The following MBD2 variants were observed in gnomAD, a reference collection of about 807,000 sequenced individuals.
The protein encoded by MBD2 is methyl-CpG-binding domain protein 2.
Under a neutral mutation model 39.3 loss-of-function variants are expected in MBD2, and 9 were observed. That is an observed-to-expected ratio of 0.23 (90% CI 0.14 to 0.40). MBD2 has a LOEUF of 0.40. Among genes scored for constraint, MBD2 ranks in the 10% least tolerant of loss-of-function variants. The pLI, the probability that MBD2 is intolerant of heterozygous loss-of-function variation, is 1.00. For missense variants in MBD2, 458 were observed against 532.6 expected, an observed-to-expected ratio of 0.86 and a Z score of 1.38; for synonymous variants, 233 against 211.1, an observed-to-expected ratio of 1.10 and a Z score of -0.90.
At chr18:54,222,445 A>C in intron 1 of MBD2, 1 of 480,970 alleles carries the variant, frequency 2.1e-6, no homozygotes, top group Non-Finnish European at 4.1e-6. Flanking sequence ...TCAAATATTT[A>C]ATGATGAGGA....
chr18:54,165,372 C>A (rs1355566570), intron 4 of MBD2, among the ~76,000 whole-genome samples: 1 of 152,150 alleles, frequency 6.6e-6, no homozygotes, highest in African/African-American at 2.4e-5. Flanking sequence ...AAGTCCTAAA[C>A]CTGTTTAACT....
chr18:54,207,862 C>T (rs185754603), intron 1 of MBD2, among the ~76,000 whole-genome samples: 12 of 151,790 alleles, frequency 7.9e-5, no homozygotes, highest in African/African-American at 2.9e-4. Context: ...ACGGTGAAAC[C>T]CCGTCTCTAC....
At chr18:54,174,303 G>A (rs1171855408) in intron 3 of MBD2, among the ~76,000 whole-genome samples, 1 of 152,212 alleles carries the variant, frequency 6.6e-6, no homozygotes, top group African/African-American at 2.4e-5. Context: ...CACTGGTCCA[G>A]AGAAAGAGAA....
chr18:54,164,304 C>G lies in MBD2; in HGVS notation c.1109+219G>C, dbSNP rs561411872. 2.6e-5 allele frequency among the ~76,000 whole-genome samples: 4 copies of G among 152,250 alleles called. No individual in the cohort carries two copies. The East Asian group carries it at 7.7e-4, about 29-fold the overall frequency. ...TCCTTTGGACAGGACCATGACGATA[C>G]CCCTGGCATGCAGCATTTATACCCG... On this transcript the variant is annotated intron_variant, in intron 5 of 6. Transcript: ENST00000256429.
chr18:54,188,802 T>C, intron 3 of MBD2, 72 bp downstream of exon 3: 1 of 1,471,210 alleles, frequency 6.8e-7, no homozygotes, highest in South Asian at 1.4e-5. Context: ...CCAGAATTTA[T>C]TTGAATTATT....
chr18:54,224,095 G>A lies in MBD2; in HGVS notation c.465C>T (p.Leu155=), dbSNP rs758184413. 5.0e-6 allele frequency: 8 copies of A among 1,594,652 alleles called. No individual in the cohort carries two copies. The East Asian group carries it at 6.9e-5, about 14-fold the overall frequency. ...ESGKRMDCPA[L]PPGWKKEEVI... ...CTTCCTCCTTCTTCCATCCGGGGGG[G>A]AGGGCCGGGCAATCCATCCTCTTCC... Residue 155 remains leucine, a synonymous_variant, in exon 1 of 7, where the codon CTC becomes CTT. Coordinates refer to ENST00000256429, the MANE Select transcript of MBD2 (RefSeq NM_003927.5).
At chr18:54,211,861 CTT>C (rs543540671) in intron 1 of MBD2, among the ~76,000 whole-genome samples, 3 of 145,998 alleles carry the variant, frequency 2.1e-5, no homozygotes, top group Admixed American at 6.9e-5. Flanking sequence ...CTATGGCCTC[CTT>C]TTTTTTTTTT....
intron 2 of MBD2, among the ~76,000 whole-genome samples, chr18:54,201,186 G>A (rs989699679): frequency 2.6e-5 from 4 of 152,090 alleles, no homozygotes; most frequent in African/African-American, 9.7e-5. Context: ...ATGTTCCCCT[G>A]GATATGCTGC....
chr18:54,205,591 CAAA>C lies in MBD2; in HGVS notation c.543-437_543-435del, dbSNP rs10719481. Reference sequence around the variant, plus strand: ...GGGCAACAAGAGCAAAACTCTATCTCAAAAAAAAAAAAAAAAAAAAAGTTAAAG... The same window carrying C: ...GGGCAACAAGAGCAAAACTCTATCTCAAAAAAAAAAAAAAAAAAGTTAAAG... On this transcript the variant is annotated intron_variant, in intron 1 of 6. Coordinates refer to ENST00000256429, the MANE Select transcript of MBD2 (RefSeq NM_003927.5). 6.4e-3 allele frequency among the ~76,000 whole-genome samples: 575 copies of C among 90,046 alleles called. 4 individuals are homozygous for C. Among genetic ancestry groups the C allele is most frequent in the African/African-American group, 0.02 (467 of 23,232 alleles). The allele number at this position is 90,046 out of a possible 152,430, so 59.1% of individuals were successfully genotyped here.
rs1433381734 is a variant in MBD2, at chr18:54,166,116, T to C, written c.891A>G (p.Glu297=). The C allele has an allele frequency of 1.2e-6, 2 of 1,613,880 alleles. No homozygotes were observed. Among genetic ancestry groups the C allele is most frequent in the Non-Finnish European group, 1.7e-6 (2 of 1,179,812 alleles). Residue 297 remains glutamate, a synonymous_variant, in exon 4 of 7, where the codon GAA becomes GAG. Transcript: ENST00000256429. Reference sequence around the variant, plus strand: ...GTAGTTCCATGGTTTTTATAATTTGTTCTGTTACATCTGATGCACTAAGTC... The same window carrying C: ...GTAGTTCCATGGTTTTTATAATTTGCTCTGTTACATCTGATGCACTAAGTC... The part of the protein sequence containing the change: ...LQGLSASDVT[E]QIIKTMELPK...
intron 6 of MBD2, among the ~76,000 whole-genome samples, chr18:54,159,389 C>A (rs1145307): frequency 0.84 from 128,494 of 152,102 alleles, 54,749 homozygotes; most frequent in East Asian, 1. Flanking sequence ...GAGGAAGCTA[C>A]AGGGAAAATA....
chr18:54,190,056 TAGG>T (rs991917044), intron 2 of MBD2, among the ~76,000 whole-genome samples: 2 of 152,130 alleles, frequency 1.3e-5, no homozygotes, highest in African/African-American at 2.4e-5. Flanking sequence ...GATCAGCAAT[TAGG>T]AGGCCAGACT....
intron 3 of MBD2, among the ~76,000 whole-genome samples, chr18:54,175,755 A>G (rs759727243): frequency 6.6e-6 from 1 of 152,164 alleles, no homozygotes; most frequent in Non-Finnish European, 1.5e-5. Flanking sequence ...GCCCAAGGTC[A>G]CAGTCACCTA....
At chr18:54,199,625 C>CA (rs2086390829) in intron 2 of MBD2, among the ~76,000 whole-genome samples, 1 of 152,122 alleles carries the variant, frequency 6.6e-6, no homozygotes, top group South Asian at 2.1e-4. Context: ...TGCCCTTATT[C>CA]CCCTATTCCC....
At chr18:54,193,940 A>T (rs141383905) in intron 2 of MBD2, among the ~76,000 whole-genome samples, 1 of 152,302 alleles carries the variant, frequency 6.6e-6, no homozygotes, top group Non-Finnish European at 1.5e-5. Flanking sequence ...GAAAACCAAG[A>T]ACATAAGACT....
chr18:54,160,608 C>T (rs909441216), intron 5 of MBD2, among the ~76,000 whole-genome samples: 4 of 139,170 alleles, frequency 2.9e-5, no homozygotes, highest in African/African-American at 5.4e-5. Context: ...ACCATTAGAG[C>T]ACAGGAAGAA....
chr18:54,197,567 C>A (rs908836248), intron 2 of MBD2, among the ~76,000 whole-genome samples: 23 of 151,984 alleles, frequency 1.5e-4, no homozygotes, highest in African/African-American at 5.6e-4. Context: ...CCTAAAGTGA[C>A]CTCAGTAAAT....
chr18:54,211,465 ACCT>A (rs1372510440), intron 1 of MBD2, among the ~76,000 whole-genome samples: 1 of 151,542 alleles, frequency 6.6e-6, no homozygotes, highest in Middle Eastern at 3.2e-3. Context: ...AGCTCCCTGT[ACCT>A]CCTTAACTCC....
chr18:54,204,961 G>C (rs201485029), intron 2 of MBD2, 37 bp downstream of exon 2: 1 of 1,579,694 alleles, frequency 6.3e-7, no homozygotes, highest in Non-Finnish European at 8.6e-7. Flanking sequence ...AAGAGCTTTC[G>C]AAGTAGCATA....
Sources: gnomAD v4.1 joint callset for allele counts (sites outside exome capture counted in the v4.1 genomes callset) on GRCh38, gnomAD v4.1.1 for gene constraint, MANE v1.5 for transcripts, NCBI Gene and HGNC (gene_info 2026-07-23, HGNC 2026-07-21) for gene names.